The following CEP112 variants were observed in gnomAD, a reference collection of about 807,000 sequenced individuals.
The protein encoded by CEP112 is centrosomal protein 112.
A neutral mutation model predicts 153.0 loss-of-function variants in CEP112; 127 were observed. The ratio of observed to expected loss-of-function variants is 0.83; its 90% CI spans 0.72 to 0.96. CEP112 has a LOEUF of 0.96. Among genes scored for constraint, CEP112 ranks in the 40% least tolerant of loss-of-function variants. The probability of loss-of-function intolerance (pLI) is 0.00; values close to 1 mark genes in which losing one functional copy is unlikely to be tolerated. For missense variants in CEP112, 1,089 were observed against 1,101.2 expected (o/e 0.99, Z 0.16); for synonymous variants, 358 against 374.4 (o/e 0.96, Z 0.51).
At chr17:65,725,936 G>A (rs145005768) in intron 23 of CEP112, among the ~76,000 whole-genome samples, 43 of 152,236 alleles carry the variant, frequency 2.8e-4, no homozygotes, top group African/African-American at 1.0e-3. Context: ...GAGCCAAGCC[G>A]TATCAGCCAC....
chr17:65,985,847 TG>T (rs2063387385), intron 17 of CEP112, among the ~76,000 whole-genome samples: 1 of 32,554 alleles, frequency 3.1e-5, no homozygotes, highest in African/African-American at 8.2e-5. Flanking sequence ...CAAGGGCTTT[TG>T]TTTTTTTTTT....
intron 21 of CEP112, among the ~76,000 whole-genome samples, chr17:65,816,507 C>T (rs1275732359): frequency 1.3e-5 from 2 of 151,856 alleles, no homozygotes; most frequent in South Asian, 2.1e-4. Flanking sequence ...TCTTTATTGG[C>T]TCTTTGAATA....
chr17:66,188,294 C>CAT (rs2073019825), intron 1 of CEP112, among the ~76,000 whole-genome samples: 1 of 119,944 alleles, frequency 8.3e-6, no homozygotes. Context: ...CAAACACACA[C>CAT]ACACACACAC....
chr17:65,744,438 A>G (rs2051322242), intron 22 of CEP112, among the ~76,000 whole-genome samples: 2 of 151,812 alleles, frequency 1.3e-5, no homozygotes, highest in South Asian at 2.1e-4. Context: ...AGTAGAGACG[A>G]GTTTCACCAT....
intron 21 of CEP112, among the ~76,000 whole-genome samples, chr17:65,790,441 C>G (rs567828172): frequency 1.2e-4 from 19 of 152,098 alleles, no homozygotes; most frequent in African/African-American, 4.3e-4. Flanking sequence ...CAGTCGAGGC[C>G]CAGCAGGTGC....
chr17:65,702,789 C>T lies in CEP112; in HGVS notation c.2608-13571G>A, dbSNP rs113571882. On this transcript the variant is annotated intron_variant, in intron 23 of 26. Transcript: ENST00000535342. The stretch of plus-strand genomic sequence containing the variant: ...GGAAGGTGAATGAGGAGCAAAGGCA[C>T]GTCTTACATGGAGGCAGGCAAAGAG... 3.6e-4 allele frequency among the ~76,000 whole-genome samples: 55 copies of T among 152,140 alleles called. 1 individual carries two copies. Among genetic ancestry groups the T allele is most frequent in the African/African-American group, 1.1e-3 (44 of 41,500 alleles).
intron 11 of CEP112, among the ~76,000 whole-genome samples, chr17:66,055,900 A>G (rs1178486893): frequency 6.6e-6 from 1 of 152,196 alleles, no homozygotes; most frequent in African/African-American, 2.4e-5. Flanking sequence ...TCATTCAACA[A>G]ATTTTATTAG....
chr17:66,050,125 TCAG>T (rs1392137581), intron 12 of CEP112, among the ~76,000 whole-genome samples: 7 of 152,248 alleles, frequency 4.6e-5, no homozygotes, highest in Non-Finnish European at 7.3e-5. Flanking sequence ...ACTGCTCATC[TCAG>T]ATCTTCATAC....
At chr17:65,955,477 G>T (rs1227404309) in intron 18 of CEP112, among the ~76,000 whole-genome samples, 1 of 152,064 alleles carries the variant, frequency 6.6e-6, no homozygotes, top group East Asian at 1.9e-4. Context: ...ATGGCACGAT[G>T]AATAGAATAA....
intron 2 of CEP112, among the ~76,000 whole-genome samples, chr17:66,178,659 A>G (rs970823237): frequency 2.0e-5 from 3 of 152,034 alleles, no homozygotes; most frequent in Non-Finnish European, 4.4e-5. Context: ...ATTTTCCCCA[A>G]TGTTTTCTTT....
intron 21 of CEP112, among the ~76,000 whole-genome samples, chr17:65,799,136 T>A (rs1296319272): frequency 6.6e-6 from 1 of 152,208 alleles, no homozygotes; most frequent in Admixed American, 6.5e-5. Context: ...GTTACTTCCC[T>A]TTTATTTTGA....
chr17:65,810,213 G>C (rs563162333), intron 21 of CEP112, among the ~76,000 whole-genome samples: 1 of 152,268 alleles, frequency 6.6e-6, no homozygotes, highest in South Asian at 2.1e-4. Flanking sequence ...CAAAGACGTG[G>C]CACAGTGATT....
intron 19 of CEP112, among the ~76,000 whole-genome samples, chr17:65,908,589 G>T (rs2060168994): frequency 6.6e-6 from 1 of 151,954 alleles, no homozygotes; most frequent in South Asian, 2.1e-4. Context: ...AGCTACTCAG[G>T]AGGCTGAAGC....
At chr17:66,033,041 T>A (rs1305439803) in intron 12 of CEP112, among the ~76,000 whole-genome samples, 1 of 123,058 alleles carries the variant, frequency 8.1e-6, no homozygotes, top group East Asian at 1.9e-4. Context: ...CAAGAAAGAT[T>A]ATGCTGAATG....
intron 4 of CEP112, among the ~76,000 whole-genome samples, chr17:66,152,430 G>C (rs1160250475): frequency 6.6e-6 from 1 of 152,212 alleles, no homozygotes; most frequent in Non-Finnish European, 1.5e-5. Context: ...TTAGGTGCAA[G>C]AGTAGAGTAA....
At chr17:65,710,791 A>G (rs1485323498) in intron 23 of CEP112, among the ~76,000 whole-genome samples, 1 of 152,214 alleles carries the variant, frequency 6.6e-6, no homozygotes, top group African/African-American at 2.4e-5. Context: ...CTGGCCATCC[A>G]GGTCCCAGCT....
intron 21 of CEP112, among the ~76,000 whole-genome samples, chr17:65,796,850 T>C (rs983370801): frequency 4.3e-5 from 5 of 115,222 alleles, no homozygotes; most frequent in Non-Finnish European, 6.8e-5. Context: ...CTTGGCAATA[T>C]GGTAAAACCC....
chr17:65,843,320 C>A (rs1168797001), intron 21 of CEP112, among the ~76,000 whole-genome samples: 1 of 152,040 alleles, frequency 6.6e-6, no homozygotes, highest in Non-Finnish European at 1.5e-5. Context: ...TTTAGGTTCA[C>A]CAATATTTGT....
intron 19 of CEP112, among the ~76,000 whole-genome samples, chr17:65,908,237 C>T (rs1420942855): frequency 3.3e-5 from 5 of 152,172 alleles, no homozygotes; most frequent in Admixed American, 2.0e-4. Context: ...AGAAGACTGG[C>T]ATGTCTTCCA....
Sources: gnomAD v4.1 joint callset for allele counts (sites outside exome capture counted in the v4.1 genomes callset) on GRCh38, gnomAD v4.1.1 for gene constraint, MANE v1.5 for transcripts, NCBI Gene and HGNC (gene_info 2026-07-23, HGNC 2026-07-21) for gene names.